The following EYS variants were observed in gnomAD, a reference collection of about 807,000 sequenced individuals.
The protein encoded by EYS is EGF-like photoreceptor maintenance factor, also known as protein eyes shut homolog.
In EYS, 250 loss-of-function variants were observed where a neutral mutation model predicts 282.1. That is an observed-to-expected ratio of 0.89 (90% CI 0.80 to 0.98). The LOEUF is 0.98. Ranked by LOEUF, EYS falls within the 50% of genes least tolerant of loss-of-function variation. EYS has a pLI of 0.00. For synonymous variants in EYS, 1,355 were observed against 1,282.9 expected, an observed-to-expected ratio of 1.06 and a Z score of -1.20; for missense variants, 4,016 against 3,709.0, an observed-to-expected ratio of 1.08 and a Z score of -2.15.
chr6:64,741,568 T>C (rs1305735259), intron 22 of EYS, among the ~76,000 whole-genome samples: 2 of 152,214 alleles, frequency 1.3e-5, no homozygotes, highest in African/African-American at 4.8e-5. Context: ...AGGTGGCATC[T>C]TCTAAGAAAA....
intron 41 of EYS, among the ~76,000 whole-genome samples, chr6:63,752,646 CCAT>C (rs1448009377): frequency 6.6e-6 from 1 of 151,958 alleles, no homozygotes; most frequent in Non-Finnish European, 1.5e-5. Context: ...GCACCCACCA[CCAT>C]GCCTGGCTAA....
chr6:65,210,561 A>G (rs555056959), intron 12 of EYS, among the ~76,000 whole-genome samples: 1 of 152,186 alleles, frequency 6.6e-6, no homozygotes, highest in South Asian at 2.1e-4. Flanking sequence ...GCCTCATATT[A>G]TTAAATCAAT....
intron 2 of EYS, among the ~76,000 whole-genome samples, chr6:65,588,905 A>AAACG (rs1554214169): frequency 2.7e-5 from 1 of 36,974 alleles, no homozygotes. Flanking sequence ...AAAGTGAAAT[A>AAACG]TATATGATCT....
At chr6:64,934,291 A>C (rs1252844662) in intron 15 of EYS, among the ~76,000 whole-genome samples, 1 of 151,096 alleles carries the variant, frequency 6.6e-6, no homozygotes, top group African/African-American at 2.4e-5. Context: ...AAATGAGTAG[A>C]TCCTCAGAGA....
rs1463578811 is a variant in EYS at position 64,587,146 on chromosome 6, G to A, written c.5644+3077C>T. 3.9e-5 allele frequency among the ~76,000 whole-genome samples: 6 copies of A among 151,998 alleles called. 1 individual carries two copies. Among genetic ancestry groups the A allele is most frequent in the African/African-American group, 7.2e-5 (3 of 41,414 alleles). Reference sequence around the variant, plus strand: ...ATCATGCTGATAGAGGTGGCTCCACGATGCCTCACTTTGTTAATCGCAAGA... The same window carrying A: ...ATCATGCTGATAGAGGTGGCTCCACAATGCCTCACTTTGTTAATCGCAAGA... On this transcript the variant is annotated intron_variant, in intron 26 of 42. Transcript: ENST00000503581.
In EYS at chr6:64,800,505, C is replaced by T. The variant is rs537488223; in HGVS notation, c.3443+12873G>A. 5.9e-5 allele frequency among the ~76,000 whole-genome samples: 9 copies of T among 151,514 alleles called. No homozygotes were observed. In the East Asian group the frequency reaches 1.7e-3, roughly 29 times the overall value. On this transcript the variant is annotated intron_variant, in intron 22 of 42. Transcript: ENST00000503581. ...TTTTTTTTCACATATTCAAATATCT[C>T]CACACCTACATAAGGAAAGTATAAC... is the stretch of plus-strand genomic sequence containing the variant.
intron 30 of EYS, among the ~76,000 whole-genome samples, chr6:64,279,516 T>C (rs1208957348): frequency 6.6e-6 from 1 of 152,186 alleles, no homozygotes; most frequent in Non-Finnish European, 1.5e-5. Flanking sequence ...GTGAAAATGA[T>C]GGCTGTTGCC....
intron 26 of EYS, among the ~76,000 whole-genome samples, chr6:64,580,394 C>A (rs1225493482): frequency 6.6e-6 from 1 of 152,018 alleles, no homozygotes; most frequent in Non-Finnish European, 1.5e-5. Context: ...CAGAAGTCTT[C>A]CAATAGGCAG....
At chr6:65,340,028 C>G (rs1274436601) in intron 10 of EYS, among the ~76,000 whole-genome samples, 6 of 151,000 alleles carry the variant, frequency 4.0e-5, no homozygotes, top group South Asian at 4.2e-4. Flanking sequence ...TGTTTTGGCT[C>G]TATATTTAGC....
chr6:64,043,035 G>T (rs113320379), intron 33 of EYS, among the ~76,000 whole-genome samples: 4,124 of 152,178 alleles, frequency 0.027, 161 homozygotes, highest in African/African-American at 0.084. Context: ...AAAAGGAGAC[G>T]ATAGTAGTAT....
intron 1 of EYS, among the ~76,000 whole-genome samples, chr6:65,661,678 C>T (rs1473130197): frequency 3.9e-5 from 6 of 151,984 alleles, no homozygotes; most frequent in Admixed American, 1.3e-4. Context: ...GCAAATTCTA[C>T]CTGGAACTTT....
intron 22 of EYS, among the ~76,000 whole-genome samples, chr6:64,705,805 C>T (rs1770984769): frequency 7.5e-6 from 1 of 133,144 alleles, no homozygotes; most frequent in Non-Finnish European, 1.6e-5. Flanking sequence ...GGAAGGGGAA[C>T]ATCACACTCT....
intron 13 of EYS, among the ~76,000 whole-genome samples, chr6:65,005,111 G>A (rs529718338): frequency 7.4e-5 from 11 of 147,724 alleles, no homozygotes; most frequent in African/African-American, 2.7e-4. Flanking sequence ...TTCGCTTGCC[G>A]TCCACCACTG....
chr6:64,452,154 G>A (rs1775374082), intron 26 of EYS, among the ~76,000 whole-genome samples: 1 of 152,132 alleles, frequency 6.6e-6, no homozygotes, highest in African/African-American at 2.4e-5. Flanking sequence ...AGCAACTTCA[G>A]CAAAGTCTCA....
intron 5 of EYS, among the ~76,000 whole-genome samples, chr6:65,407,185 A>T (rs1296416005): frequency 6.6e-6 from 1 of 152,104 alleles, no homozygotes; most frequent in Non-Finnish European, 1.5e-5. Flanking sequence ...TATTTGTTAA[A>T]TTCATATCTA....
At chr6:64,128,284 C>G (rs558140728) in intron 31 of EYS, among the ~76,000 whole-genome samples, 3 of 152,112 alleles carry the variant, frequency 2.0e-5, no homozygotes, top group Admixed American at 6.5e-5. Context: ...TTGCCCCTAA[C>G]TGCATCTTTA....
intron 29 of EYS, among the ~76,000 whole-genome samples, chr6:64,371,233 C>T (rs1772359059): frequency 6.6e-6 from 1 of 151,530 alleles, no homozygotes; most frequent in Non-Finnish European, 1.5e-5. Flanking sequence ...CCATTAGTTT[C>T]AAAGAATTTC....
chr6:65,386,772 C>G (rs1411715958), intron 7 of EYS, among the ~76,000 whole-genome samples: 1 of 151,784 alleles, frequency 6.6e-6, no homozygotes, highest in South Asian at 2.1e-4. Context: ...AGTCAGAGGC[C>G]AATTGTTTTA....
intron 24 of EYS, among the ~76,000 whole-genome samples, chr6:64,612,063 G>A (rs1009363944): frequency 6.6e-6 from 1 of 152,058 alleles, no homozygotes; most frequent in Non-Finnish European, 1.5e-5. Context: ...ACATCAAAAT[G>A]TTTGTCTGTC....
Sources: allele counts gnomAD v4.1 joint callset (sites outside exome capture counted in the v4.1 genomes callset), GRCh38; gene constraint gnomAD v4.1.1; transcripts MANE v1.5; gene names NCBI Gene and HGNC (gene_info 2026-07-23, HGNC 2026-07-21).